The following EYS variants were observed in gnomAD, a reference collection of about 807,000 sequenced individuals.
EYS encodes the protein protein eyes shut homolog.
EYS carries 250 observed loss-of-function variants against 282.1 expected under a neutral mutation model. The observed-to-expected ratio is 0.89, with a 90% confidence interval of 0.80 to 0.98. The LOEUF is 0.98. Among genes scored for constraint, EYS ranks in the 50% least tolerant of loss-of-function variants. The probability of loss-of-function intolerance (pLI) is 0.00; values close to 1 mark genes in which losing one functional copy is unlikely to be tolerated. For synonymous variants in EYS, 1,355 were observed against 1,282.9 expected (o/e 1.06, Z -1.20); for missense variants, 4,016 against 3,709.0 (o/e 1.08, Z -2.15).
chr6:64,068,260 T>C (rs1229789068), intron 32 of EYS, among the ~76,000 whole-genome samples: 2 of 152,148 alleles, frequency 1.3e-5, no homozygotes, highest in Non-Finnish European at 2.9e-5. Flanking sequence ...TGTTTTGATA[T>C]ACTCTGTTGT....
At chr6:64,036,892 C>T (rs530359584) in intron 33 of EYS, among the ~76,000 whole-genome samples, 1 of 152,286 alleles carries the variant, frequency 6.6e-6, no homozygotes, top group African/African-American at 2.4e-5. Context: ...AGGATTTGAA[C>T]TCGGGACCAT....
At chr6:64,556,702 G>A (rs1373838523) in intron 26 of EYS, among the ~76,000 whole-genome samples, 3 of 151,838 alleles carry the variant, frequency 2.0e-5, no homozygotes, top group Non-Finnish European at 2.9e-5. Context: ...CAAGAACAAG[G>A]CACTGAGGAA....
chr6:65,528,537 G>C (rs1239910744), intron 2 of EYS, among the ~76,000 whole-genome samples: 3 of 152,180 alleles, frequency 2.0e-5, no homozygotes, highest in African/African-American at 7.2e-5. Context: ...TTGTAAAAAA[G>C]TAACTTGACC....
chr6:64,434,208 A>G lies in EYS; in HGVS notation c.5927+1966T>C, dbSNP rs143345440. On this transcript the variant is annotated intron_variant, in intron 28 of 42. Transcript: ENST00000503581. ...TACAGCCATCTACAAGCAAAAGGAG[A>G]CCTCAAAAGAAATCAAACCTGTTGT... 3.9e-5 allele frequency among the ~76,000 whole-genome samples: 6 copies of G among 152,086 alleles called. No homozygotes were observed. The East Asian group carries it at 1.2e-3, about 29-fold the overall frequency.
At chr6:64,793,397 C>A (rs1774252172) in intron 22 of EYS, among the ~76,000 whole-genome samples, 1 of 152,018 alleles carries the variant, frequency 6.6e-6, no homozygotes, top group Admixed American at 6.6e-5. Flanking sequence ...GAATACTGGG[C>A]AGTCTTTAGG....
chr6:64,093,341 G>A (rs542037127), intron 31 of EYS, among the ~76,000 whole-genome samples: 3 of 152,028 alleles, frequency 2.0e-5, no homozygotes, highest in Non-Finnish European at 2.9e-5. Context: ...AAATTACCTC[G>A]GGCAGTATGG....
At chr6:65,254,770 T>C (rs1767416112) in intron 12 of EYS, among the ~76,000 whole-genome samples, 1 of 151,860 alleles carries the variant, frequency 6.6e-6, no homozygotes, top group Admixed American at 6.6e-5. Context: ...TATTTTCATA[T>C]GAAATCAAAG....
intron 22 of EYS, among the ~76,000 whole-genome samples, chr6:64,701,936 A>T (rs1770806575): frequency 6.6e-6 from 1 of 152,034 alleles, no homozygotes; most frequent in South Asian, 2.1e-4. Flanking sequence ...TTGCTTTGCA[A>T]TTTACAATAA....
At chr6:65,524,975 A>G (rs1767502460) in intron 2 of EYS, among the ~76,000 whole-genome samples, 2 of 152,080 alleles carry the variant, frequency 1.3e-5, no homozygotes, top group African/African-American at 2.4e-5. Flanking sequence ...AGCCAGGTCA[A>G]CCATGGTGAC....
intron 2 of EYS, among the ~76,000 whole-genome samples, chr6:65,512,289 G>C (rs546711535): frequency 6.6e-6 from 1 of 151,830 alleles, no homozygotes; most frequent in Non-Finnish European, 1.5e-5. Flanking sequence ...TCAGGAGATC[G>C]AGACCATCCT....
At chr6:65,214,045 G>C (rs1468761325) in intron 12 of EYS, among the ~76,000 whole-genome samples, 1 of 150,848 alleles carries the variant, frequency 6.6e-6, no homozygotes, top group Non-Finnish European at 1.5e-5. Context: ...TGTAGTCCCA[G>C]CTACTCGGGA....
chr6:64,391,277 C>G (rs1213976592), intron 28 of EYS, among the ~76,000 whole-genome samples: 1 of 151,500 alleles, frequency 6.6e-6, no homozygotes, highest in Admixed American at 6.6e-5. Context: ...ACAGAGAACG[C>G]CACAAAGATA....
At chr6:64,133,019 T>A (rs1322896671) in intron 31 of EYS, among the ~76,000 whole-genome samples, 1 of 152,074 alleles carries the variant, frequency 6.6e-6, no homozygotes, top group Non-Finnish European at 1.5e-5. Flanking sequence ...ACTGATTATA[T>A]GTTTTGCATT....
intron 29 of EYS, among the ~76,000 whole-genome samples, chr6:64,311,979 G>GGTTT (rs563437473): frequency 2.1e-5 from 3 of 139,946 alleles, no homozygotes; most frequent in Non-Finnish European, 4.5e-5. Flanking sequence ...GCTGCAGAAG[G>GGTTT]TTTTTTTTTT....
At chr6:64,630,287 C>T (rs536875691) in intron 22 of EYS, among the ~76,000 whole-genome samples, 14 of 151,998 alleles carry the variant, frequency 9.2e-5, no homozygotes, top group South Asian at 4.2e-4. Flanking sequence ...TTAATAGAGA[C>T]GGGATTTCAC....
At chr6:64,602,011 A>AAGG (rs1229966582) in intron 24 of EYS, among the ~76,000 whole-genome samples, 2 of 152,010 alleles carry the variant, frequency 1.3e-5, no homozygotes, top group African/African-American at 4.8e-5. Flanking sequence ...GTTATAACTT[A>AAGG]AAGGTCCCTT....
At chr6:64,102,569 T>C (rs903100719) in intron 31 of EYS, among the ~76,000 whole-genome samples, 34 of 152,278 alleles carry the variant, frequency 2.2e-4, no homozygotes, top group African/African-American at 7.5e-4. Context: ...TAAACTGCAG[T>C]TGAATGAAGA....
In EYS at chr6:63,721,304, T is replaced by G; in HGVS notation, c.8727A>C (p.Thr2909=). ...CRCLPDWAGN[T]CNQSVSCLNN... is the part of the protein sequence containing the mutation. ...TCAAACAGGACACAGACTGGTTACA[T>G]GTATTTCCAGCCCAATCTGGCAAAC... Residue 2909 remains threonine (T), a synonymous_variant, in exon 43 of 43, where the codon ACA becomes ACC. Transcript: ENST00000503581. The G allele has an allele frequency of 1.9e-6, 3 of 1,551,992 alleles. No individual in the cohort carries two copies. Among genetic ancestry groups the G allele is most frequent in the Non-Finnish European group, 2.6e-6 (3 of 1,147,008 alleles).
chr6:63,737,812 G>T (rs1562002517), intron 41 of EYS, among the ~76,000 whole-genome samples: 2 of 152,000 alleles, frequency 1.3e-5, no homozygotes, highest in Admixed American at 6.6e-5. Flanking sequence ...TACAAAATGG[G>T]AGAAAATTTT....
Sources: allele counts gnomAD v4.1 joint callset (sites outside exome capture counted in the v4.1 genomes callset), GRCh38; gene constraint gnomAD v4.1.1; transcripts MANE v1.5; gene names NCBI Gene and HGNC (gene_info 2026-07-23, HGNC 2026-07-21).